Variants in RASA3 observed in about 807,000 individuals in gnomAD.
The protein encoded by RASA3 is RAS p21 protein activator 3.
RASA3 carries 73 observed loss-of-function variants against 110.0 expected under a neutral mutation model. The observed-to-expected ratio is 0.66, with a 90% CI of 0.55 to 0.81. The LOEUF is 0.81. Among genes scored for constraint, RASA3 ranks in the 30% least tolerant of loss-of-function variants. The pLI is 0.00. For missense variants in RASA3, 976 were observed against 1,113.2 expected, an observed-to-expected ratio of 0.88 and a Z score of 1.75; for synonymous variants, 500 against 451.4, an observed-to-expected ratio of 1.11 and a Z score of -1.37.
chr13:114,005,776 TCCCCC>T (rs79965139), intron 18 of RASA3, among the ~76,000 whole-genome samples: 1 of 40,130 alleles, frequency 2.5e-5, no homozygotes, highest in African/African-American at 1.9e-4. Context: ...CTTACCCTTC[TCCCCC>T]CTCCTGCCCT....
chr13:114,046,314 G>A lies in RASA3; in HGVS notation c.278-5220C>T, dbSNP rs542266005. ...GGAAAGAATTCGAGAATGAGGTGGT[G>A]GTGGAAGAAAACAGTTTTATGGAGG... On this transcript the variant is annotated intron_variant, in intron 3 of 23. Transcript: ENST00000334062. Among the ~76,000 whole-genome samples, 12 of 152,296 alleles carry A rather than the reference G, an allele frequency of 7.9e-5. No individual in the cohort carries two copies. The South Asian group carries it at 2.5e-3, about 32-fold the overall frequency.
intron 8 of RASA3, among the ~76,000 whole-genome samples, chr13:114,022,184 C>T (rs1266870825): frequency 6.6e-6 from 1 of 152,142 alleles, no homozygotes; most frequent in Non-Finnish European, 1.5e-5. Context: ...CCGTGACTAC[C>T]GCAGGCCCAG....
Position 114,018,984 on chromosome 13 carries a change from G to A in RASA3, c.786-65C>T, listed in dbSNP as rs150744342. 3,313 of 1,593,978 alleles carry A rather than the reference G, an allele frequency of 2.1e-3. 7 individuals carry two copies. Among genetic ancestry groups the A allele is most frequent in the Middle Eastern group, 3.9e-3 (18 of 4,670 alleles). ...CATCTGCCAAGGAGCAGCTCTCAGG[G>A]AAGCCCAGCTGCCTGCTTGAGGTCG... On this transcript the variant is annotated intron_variant, in intron 9 of 23. Transcript: ENST00000334062.
chr13:114,027,304 C>A, intron 7 of RASA3, 85 bp downstream of exon 7: 1 of 1,177,586 alleles, frequency 8.5e-7, no homozygotes, highest in Non-Finnish European at 1.2e-6. Flanking sequence ...AGGGAAGAGA[C>A]TGAGATCATT....
At chr13:114,054,392 C>T (rs1159562088) in intron 2 of RASA3, among the ~76,000 whole-genome samples, 1 of 152,144 alleles carries the variant, frequency 6.6e-6, no homozygotes, top group Non-Finnish European at 1.5e-5. Context: ...AGATACGGCA[C>T]AGGCATAAGC....
intron 10 of RASA3, among the ~76,000 whole-genome samples, chr13:114,018,503 G>A (rs1310950580): frequency 6.6e-6 from 1 of 152,200 alleles, no homozygotes; most frequent in Non-Finnish European, 1.5e-5. Flanking sequence ...GCCGGTAGAG[G>A]GACTCTGATG....
rs1283868285 is a variant in RASA3, at chr13:114,017,267, C to T, written c.1176G>A (p.Leu392=). The T allele has an allele frequency of 6.2e-7, 1 of 1,613,660 alleles. No individual in the cohort carries two copies. Among genetic ancestry groups the T allele is most frequent in the Non-Finnish European group, 8.5e-7 (1 of 1,180,020 alleles). ...ETMKLAGMHY[L]HVTLKPAIEE... ...CGATGGCGGGCTTCAGGGTGACATGCAGGTAATGCATCCCCGCCAGCTTCA... is the reference window on the plus strand; with the variant it reads ...CGATGGCGGGCTTCAGGGTGACATGTAGGTAATGCATCCCCGCCAGCTTCA... Residue 392 remains leucine (L), a synonymous_variant, in exon 12 of 24, where the codon CTG becomes CTA. Transcript: ENST00000334062.
intron 22 of RASA3, among the ~76,000 whole-genome samples, chr13:113,991,621 T>C (rs1055398647): frequency 6.6e-6 from 1 of 152,328 alleles, no homozygotes; most frequent in South Asian, 2.1e-4. Flanking sequence ...GGATTGCTAT[T>C]TCAATTCTGT....
intron 6 of RASA3, 70 bp downstream of exon 6, chr13:114,027,777 C>G: frequency 6.8e-7 from 1 of 1,477,376 alleles, no homozygotes; most frequent in Non-Finnish European, 9.5e-7. Flanking sequence ...AGGCAGTGGT[C>G]TCGTGATTTC....
chr13:114,018,624 G>T, intron 10 of RASA3, 139 bp downstream of exon 10: 1 of 1,135,950 alleles, frequency 8.8e-7, no homozygotes, highest in East Asian at 2.6e-5. Flanking sequence ...ATCTGGACGG[G>T]AAACAGGCCA....
At chr13:114,129,450 G>A (rs2080490864) in intron 1 of RASA3, among the ~76,000 whole-genome samples, 2 of 152,202 alleles carry the variant, frequency 1.3e-5, no homozygotes, top group Non-Finnish European at 2.9e-5. Flanking sequence ...GAAAGAGGAA[G>A]GGGGAAAGGA....
intron 6 of RASA3, among the ~76,000 whole-genome samples, 178 bp downstream of exon 6, chr13:114,027,669 C>T (rs2054052078): frequency 6.6e-6 from 1 of 152,208 alleles, no homozygotes; most frequent in Non-Finnish European, 1.5e-5. Flanking sequence ...ATGAAGGCTT[C>T]ATTTTCTACA....
In RASA3 at chr13:114,057,761, A is replaced by G. The variant is rs1381816812; in HGVS notation, c.174-5606T>C. 1.3e-5 allele frequency among the ~76,000 whole-genome samples: 2 copies of G among 152,150 alleles called. No homozygotes were observed. The highest frequency in any genetic ancestry group is 1.3e-4 in the Admixed American group (2 of 15,282). On this transcript the variant is annotated intron_variant, in intron 2 of 23. Coordinates refer to ENST00000334062, the MANE Select transcript of RASA3 (RefSeq NM_007368.4). This position sits in a 1 kb window ranked among gnomAD's most constrained non-coding sequence, Gnocchi z 5.0. ...GAGAATGAACCCACAGCTAAAACCC[A>G]TAAAACCTCCGCCAACCACACCCAG...
intron 2 of RASA3, among the ~76,000 whole-genome samples, chr13:114,055,987 C>T (rs916154959): frequency 2.0e-5 from 3 of 152,258 alleles, no homozygotes; most frequent in Non-Finnish European, 2.9e-5. Context: ...GGACGCCCTC[C>T]ATTGGCACAA....
chr13:114,001,269 C>G (rs941646499), intron 18 of RASA3, among the ~76,000 whole-genome samples: 1 of 152,148 alleles, frequency 6.6e-6, no homozygotes, highest in Admixed American at 6.5e-5. Context: ...GCCGTGGGCT[C>G]AGGGTCAGGG....
At position 114,056,820 on chromosome 13, in the gene RASA3, G is replaced by T; in HGVS notation, c.174-4665C>A. 2 of 424,666 alleles carry T rather than the reference G, an allele frequency of 4.7e-6. No homozygotes were observed. Among genetic ancestry groups the T allele is most frequent in the Non-Finnish European group, 6.3e-6 (2 of 317,220 alleles). The allele number at this position is 424,666 out of a possible 1,614,324, so 26.3% of individuals were successfully genotyped here. ...GTGCCCCTTTCTAAATGTAAAAGCG[G>T]TTTATAGCAACACAGCATGGCCCTG... On this transcript the variant is annotated intron_variant, in intron 2 of 23. Coordinates refer to ENST00000334062, the MANE Select transcript of RASA3 (RefSeq NM_007368.4). The surrounding 1 kb of genome is among the most constrained non-coding windows in gnomAD (Gnocchi z 5.7).
intron 3 of RASA3, among the ~76,000 whole-genome samples, chr13:114,044,875 G>A (rs1204867800): frequency 1.3e-5 from 2 of 152,076 alleles, no homozygotes; most frequent in African/African-American, 4.8e-5. Flanking sequence ...ACTGGGACGG[G>A]AGAAGTCACA....
chr13:113,994,330 C>T (rs1030192224), intron 21 of RASA3, among the ~76,000 whole-genome samples: 1 of 152,056 alleles, frequency 6.6e-6, no homozygotes, highest in Non-Finnish European at 1.5e-5. Context: ...TATTCATGTT[C>T]AACCATATAT....
intron 21 of RASA3, among the ~76,000 whole-genome samples, chr13:113,995,316 G>A (rs1233792237): frequency 3.3e-5 from 5 of 152,242 alleles, no homozygotes; most frequent in East Asian, 1.9e-4. Flanking sequence ...CGGTGGCCAC[G>A]CATGCCTGAG....
Sources: gnomAD v4.1 joint callset for allele counts (sites outside exome capture counted in the v4.1 genomes callset) on GRCh38, gnomAD v4.1.1 for gene constraint, Gnocchi (gnomAD v3.1) non-coding constraint, MANE v1.5 for transcripts, NCBI Gene and HGNC (gene_info 2026-07-23, HGNC 2026-07-21) for gene names.